The following PLCL1 variants were observed in gnomAD, a reference collection of about 807,000 sequenced individuals.
PLCL1 encodes the protein phospholipase C like 1 (inactive).
In PLCL1, 41 loss-of-function variants were observed where a neutral mutation model predicts 84.4. The observed-to-expected ratio is 0.49, with a 90% confidence interval of 0.38 to 0.63. The LOEUF is 0.63. Among genes scored for constraint, PLCL1 ranks in the 30% least tolerant of loss-of-function variants. PLCL1 has a pLI of 0.00. For synonymous variants in PLCL1, 490 were observed against 488.3 expected, an observed-to-expected ratio of 1.00 and a Z score of -0.05; for missense variants, 1,206 against 1,367.8, an observed-to-expected ratio of 0.88 and a Z score of 1.87.
At position 198,051,001 on chromosome 2, in the gene PLCL1, G is replaced by A. The variant is rs553657946; in HGVS notation, c.241-32757G>A. Among the ~76,000 whole-genome samples the A allele has an allele frequency of 3.1e-4, 47 of 152,322 alleles. No homozygotes were observed. The South Asian group carries it at 5.0e-3, about 16-fold the overall frequency. On this transcript the variant is annotated intron_variant, in intron 1 of 5. Transcript: ENST00000428675. ...TTATTTGAAGGGAAAACATTTTAAC[G>A]TGGTACAACGACAACGTAAAGAATG... is the stretch of plus-strand genomic sequence containing the variant.
At chr2:197,930,485 CTAAAA>C (rs1403649458) in intron 1 of PLCL1, among the ~76,000 whole-genome samples, 1 of 152,084 alleles carries the variant, frequency 6.6e-6, no homozygotes, top group African/African-American at 2.4e-5. Context: ...AACTAAGGGG[CTAAAA>C]TAAAATGAAA....
intron 1 of PLCL1, among the ~76,000 whole-genome samples, chr2:198,033,369 C>G (rs1455241284): frequency 6.6e-6 from 1 of 152,192 alleles, no homozygotes; most frequent in Non-Finnish European, 1.5e-5. Flanking sequence ...GAATTGCCCC[C>G]TCACTGGAGG....
At chr2:197,984,882 G>A (rs911833563) in intron 1 of PLCL1, among the ~76,000 whole-genome samples, 3 of 151,710 alleles carry the variant, frequency 2.0e-5, no homozygotes, top group Admixed American at 6.6e-5. Flanking sequence ...CATCCTTTTG[G>A]ATTTAAGCAT....
chr2:197,943,636 T>C (rs1433299758), intron 1 of PLCL1, among the ~76,000 whole-genome samples: 1 of 151,280 alleles, frequency 6.6e-6, no homozygotes, highest in African/African-American at 2.4e-5. Flanking sequence ...TCTTTTTTTT[T>C]TTTTTTTTTT....
intron 1 of PLCL1, among the ~76,000 whole-genome samples, chr2:197,919,672 T>C (rs544237400): frequency 5.9e-5 from 9 of 152,318 alleles, no homozygotes; most frequent in Non-Finnish European, 1.2e-4. Context: ...TGACTTATGT[T>C]CTATCCAGGA....
intron 1 of PLCL1, among the ~76,000 whole-genome samples, chr2:198,054,420 C>T (rs984485996): frequency 6.6e-6 from 1 of 152,218 alleles, no homozygotes; most frequent in East Asian, 1.9e-4. Context: ...TTGATCACAT[C>T]TTAGGCGACA....
At chr2:197,839,526 G>A (rs1686941801) in intron 1 of PLCL1, among the ~76,000 whole-genome samples, 1 of 152,232 alleles carries the variant, frequency 6.6e-6, no homozygotes, top group African/African-American at 2.4e-5. Context: ...GTGGAGCTCA[G>A]TTGTTAATGC....
rs964568153 is a variant in PLCL1 at position 197,836,252 on chromosome 2, C to T, written c.240+30913C>T. Among the ~76,000 whole-genome samples the T allele has an allele frequency of 1.3e-4, 20 of 151,654 alleles. 1 individual carries two copies. The South Asian group carries it at 3.1e-3, about 24-fold the overall frequency. On this transcript the variant is annotated intron_variant, in intron 1 of 5. Coordinates refer to ENST00000428675, the MANE Select transcript of PLCL1 (RefSeq NM_006226.4). The stretch of plus-strand genomic sequence containing the variant: ...CGAGGTCAGGAGATCCAGACCATCC[C>T]GGCTAAAACGGTGAAACCCCGTCTC...
intron 1 of PLCL1, among the ~76,000 whole-genome samples, chr2:197,986,977 C>G (rs767102850): frequency 9.2e-5 from 14 of 152,216 alleles, no homozygotes; most frequent in African/African-American, 1.7e-4. Context: ...TAAGGCCATA[C>G]AACTCTAAAG....
intron 3 of PLCL1, among the ~76,000 whole-genome samples, chr2:198,097,155 T>A (rs1693219627): frequency 6.6e-6 from 1 of 152,216 alleles, no homozygotes; most frequent in African/African-American, 2.4e-5. Context: ...TCTGCTGGCA[T>A]GTGCCCAAAC....
At chr2:198,129,998 T>G (rs1456791288) in intron 5 of PLCL1, among the ~76,000 whole-genome samples, 1 of 152,100 alleles carries the variant, frequency 6.6e-6, no homozygotes, top group East Asian at 1.9e-4. Context: ...ACTTTTTATT[T>G]TTTTTAATTT....
At chr2:197,995,621 C>T (rs1690442064) in intron 1 of PLCL1, among the ~76,000 whole-genome samples, 2 of 152,058 alleles carry the variant, frequency 1.3e-5, no homozygotes, top group African/African-American at 4.8e-5. Flanking sequence ...ATGGGAAGGC[C>T]AAGACCAGGG....
At chr2:198,041,924 T>A (rs1691675769) in intron 1 of PLCL1, among the ~76,000 whole-genome samples, 1 of 152,116 alleles carries the variant, frequency 6.6e-6, no homozygotes, top group African/African-American at 2.4e-5. Context: ...AACAAAAAAA[T>A]AAAGTTGGGT....
chr2:197,918,382 A>G (rs1008073018), intron 1 of PLCL1, among the ~76,000 whole-genome samples: 7 of 152,214 alleles, frequency 4.6e-5, no homozygotes, highest in Admixed American at 2.0e-4. Context: ...CTGGAACAGA[A>G]AGAGGGCGTT....
chr2:197,924,233 C>T (rs1688790115), intron 1 of PLCL1, among the ~76,000 whole-genome samples: 1 of 151,414 alleles, frequency 6.6e-6, no homozygotes, highest in African/African-American at 2.5e-5. Flanking sequence ...CTAGCTTTAC[C>T]CTAGCCGTAG....
intron 1 of PLCL1, among the ~76,000 whole-genome samples, chr2:197,992,869 G>C (rs1690372166): frequency 6.6e-6 from 1 of 152,090 alleles, no homozygotes; most frequent in Non-Finnish European, 1.5e-5. Flanking sequence ...TCTTGTTTTT[G>C]GAGGCTGGAT....
chr2:197,949,730 A>G (rs1689352378), intron 1 of PLCL1, among the ~76,000 whole-genome samples: 1 of 152,162 alleles, frequency 6.6e-6, no homozygotes, highest in Non-Finnish European at 1.5e-5. Context: ...TAGTGGTAGG[A>G]TGGCTGAAAA....
At chr2:198,053,080 C>G (rs183137932) in intron 1 of PLCL1, among the ~76,000 whole-genome samples, 29 of 152,130 alleles carry the variant, frequency 1.9e-4, no homozygotes, top group African/African-American at 6.8e-4. Context: ...CAGGATAGAA[C>G]CCTAGGTTTG....
intron 1 of PLCL1, among the ~76,000 whole-genome samples, chr2:197,903,264 A>G (rs974890511): frequency 2.0e-5 from 3 of 152,144 alleles, no homozygotes; most frequent in East Asian, 3.8e-4. Flanking sequence ...GCAGCCACAG[A>G]CACTATGCAA....
Sources: allele counts gnomAD v4.1 joint callset (sites outside exome capture counted in the v4.1 genomes callset), GRCh38; gene constraint gnomAD v4.1.1; transcripts MANE v1.5; gene names NCBI Gene and HGNC (gene_info 2026-07-23, HGNC 2026-07-21).